Variants in GLMN observed in about 807,000 individuals in gnomAD.
The protein encoded by GLMN is glomulin.
GLMN carries 75 observed loss-of-function variants against 87.8 expected under a neutral mutation model. That is an observed-to-expected ratio of 0.85 (90% CI 0.71 to 1.04). The LOEUF is 1.04. GLMN is among the 50% of genes least tolerant of loss of function. The pLI, the probability that GLMN is intolerant of heterozygous loss-of-function variation, is 0.00. For missense variants in GLMN, 588 were observed against 658.8 expected (o/e 0.89, Z 1.18); for synonymous variants, 206 against 221.6 (o/e 0.93, Z 0.63).
the GLMN span, chr1:92,324,090 T>G: frequency 6.2e-7 from 1 of 1,614,112 alleles, no homozygotes; most frequent in Admixed American, 1.7e-5. Flanking sequence ...ATGGCCAGAA[T>G]TATGCTTCTG....
chr1:92,262,077 A>C (rs932637657), intron 16 of GLMN, among the ~76,000 whole-genome samples: 4 of 152,200 alleles, frequency 2.6e-5, no homozygotes, highest in African/African-American at 9.7e-5. Context: ...TCTACTATAG[A>C]TCTGTCAGGA....
In GLMN at chr1:92,264,624, G is replaced by A. The variant is rs375664967; in HGVS notation, c.1229C>T (p.Thr410Ile). The A allele has an allele frequency of 1.3e-6, 2 of 1,572,128 alleles. No homozygotes were observed. Among genetic ancestry groups the A allele is most frequent in the Non-Finnish European group, 1.8e-6 (2 of 1,142,044 alleles). The change falls in exon 14 of 19, where the codon ACA (threonine) becomes ATA (isoleucine). Residue 410 changes from threonine to isoleucine, a missense_variant. Transcript: ENST00000370360. ...KYTLFRCLLN[T>I]SNHSGVEAFI... ...AGCCTCCACACCTGAGTGATTACTTGTATTCAATAAGCACCTTGAAAGCAA... is the reference window on the plus strand; with the variant it reads ...AGCCTCCACACCTGAGTGATTACTTATATTCAATAAGCACCTTGAAAGCAA...
chr1:92,329,609 T>C, the GLMN span, among the ~76,000 whole-genome samples: 5 of 152,192 alleles, frequency 3.3e-5, no homozygotes, highest in Non-Finnish European at 7.3e-5. Flanking sequence ...AAGTTCATGA[T>C]GGGAGTCTCC....
the GLMN span, among the ~76,000 whole-genome samples, chr1:92,360,774 A>G: frequency 6.6e-6 from 1 of 152,218 alleles, no homozygotes; most frequent in African/African-American, 2.4e-5. Context: ...CAAACCTTGT[A>G]TATTTCAGCT....
the GLMN span, chr1:92,333,320 ATTG>A: frequency 8.1e-7 from 1 of 1,238,920 alleles, no homozygotes; most frequent in African/African-American, 1.5e-5. Flanking sequence ...TTTAATGTTT[ATTG>A]TTCTGCTTAT....
chr1:92,358,669 C>G, the GLMN span, among the ~76,000 whole-genome samples: 1 of 152,014 alleles, frequency 6.6e-6, no homozygotes, highest in African/African-American at 2.4e-5. Context: ...CTCACTAAAG[C>G]CTTAATCTCC....
At chr1:92,317,233 G>T in the GLMN span, among the ~76,000 whole-genome samples, 1 of 152,174 alleles carries the variant, frequency 6.6e-6, no homozygotes, top group African/African-American at 2.4e-5. Context: ...TGAAGGCTCG[G>T]TGCGGTGGCT....
At chr1:92,302,415 C>T (rs374643184), upstream of GLMN, among the ~76,000 whole-genome samples, 36 of 150,228 alleles carry the variant, frequency 2.4e-4, no homozygotes, top group East Asian at 3.9e-3. Context: ...TGATTTTCTT[C>T]AATTTGTTCT....
At position 92,291,451 on chromosome 1, in the gene GLMN, T is replaced by A; in HGVS notation, c.252A>T (p.Lys84Asn). ...ATAAATCAAAGATCAAAAAATAAAC[T>A]TTTCTTTTACTATCCTCTTTATCTT... is the stretch of plus-strand genomic sequence containing the variant. ...LCKDKEDSKR[K>N]VYFLIFDLLV... Residue 84 changes from lysine (K) to asparagine (N), a missense_variant, in exon 4 of 19, where the codon AAA becomes AAT. Physicochemically the swap from Lys to Asn is moderately conservative, Grantham distance 94 (BLOSUM62 0). Coordinates refer to ENST00000370360, the MANE Select transcript of GLMN (RefSeq NM_053274.3). 6.3e-7 allele frequency: 1 copy of A among 1,595,756 alleles called. No homozygotes were observed. Among genetic ancestry groups the A allele is most frequent in the Non-Finnish European group, 8.6e-7 (1 of 1,163,312 alleles).
At chr1:92,333,146 G>T in the GLMN span, 25 of 434,776 alleles carry the variant, frequency 5.8e-5, no homozygotes, top group Admixed American at 9.3e-4. Flanking sequence ...AATAAAGGAG[G>T]TATTAATATC....
At chr1:92,342,394 G>C in the GLMN span, among the ~76,000 whole-genome samples, 1 of 152,200 alleles carries the variant, frequency 6.6e-6, no homozygotes, top group African/African-American at 2.4e-5. Context: ...CAAGAGTAGA[G>C]AGATATGTGG....
At chr1:92,320,590 T>C in the GLMN span, 1 of 1,610,500 alleles carries the variant, frequency 6.2e-7, no homozygotes, top group Non-Finnish European at 8.5e-7. Flanking sequence ...TTCTGTGTTC[T>C]TATTACAGGC....
intron 15 of GLMN, among the ~76,000 whole-genome samples, chr1:92,263,414 T>C (rs1655255355): frequency 6.6e-6 from 1 of 152,244 alleles, no homozygotes; most frequent in Non-Finnish European, 1.5e-5. Flanking sequence ...ATCATAGTGC[T>C]GGTCATTCAT....
intron 3 of GLMN, among the ~76,000 whole-genome samples, chr1:92,293,407 G>C (rs1227688354): frequency 6.6e-6 from 1 of 152,028 alleles, no homozygotes; most frequent in Non-Finnish European, 1.5e-5. Context: ...CTGGGTTCAC[G>C]TCATTCTCCT....
the GLMN span, chr1:92,324,228 T>C: frequency 1.2e-6 from 2 of 1,613,986 alleles, no homozygotes; most frequent in African/African-American, 2.7e-5. Context: ...CTTTACCTTT[T>C]AGGGGCTCAG....
At chr1:92,300,087 G>T, upstream of GLMN, 1 of 715,662 alleles carries the variant, frequency 1.4e-6, no homozygotes. Flanking sequence ...ACATAGAAAA[G>T]GTACAGTAAA....
At chr1:92,248,706 G>C (rs1653016589) in intron 16 of GLMN, among the ~76,000 whole-genome samples, 1 of 152,076 alleles carries the variant, frequency 6.6e-6, no homozygotes. Context: ...TGAACTACTT[G>C]ATAACCTATT....
At chr1:92,319,368 C>T in the GLMN span, among the ~76,000 whole-genome samples, 3 of 152,304 alleles carry the variant, frequency 2.0e-5, no homozygotes, top group South Asian at 4.2e-4. Context: ...TCTCTCTGTA[C>T]TCAGTTTCCT....
intron 15 of GLMN, among the ~76,000 whole-genome samples, chr1:92,263,316 T>TA (rs1189230379): frequency 6.6e-6 from 1 of 152,070 alleles, no homozygotes; most frequent in East Asian, 1.9e-4. Flanking sequence ...CCTAAACACA[T>TA]AAATTACATA....
Sources: gnomAD v4.1 joint callset for allele counts (sites outside exome capture counted in the v4.1 genomes callset) on GRCh38, gnomAD v4.1.1 for gene constraint, MANE v1.5 for transcripts, NCBI Gene and HGNC (gene_info 2026-07-23, HGNC 2026-07-21) for gene names.